Variants in BICD1 observed in about 807,000 individuals in gnomAD.
BICD1 encodes protein bicaudal D homolog 1.
Under a neutral mutation model 92.5 loss-of-function variants are expected in BICD1, and 35 were observed. The ratio of observed to expected loss-of-function variants is 0.38; its 90% CI spans 0.29 to 0.50. The LOEUF is 0.50. BICD1 is among the 20% of genes least tolerant of loss of function. BICD1 has a pLI of 0.93. For synonymous variants in BICD1, 429 were observed against 465.1 expected, an observed-to-expected ratio of 0.92 and a Z score of 1.00; for missense variants, 950 against 1,189.8, an observed-to-expected ratio of 0.80 and a Z score of 2.97.
chr12:32,147,030 C>T (rs1017266714), intron 1 of BICD1, among the ~76,000 whole-genome samples: 2 of 151,922 alleles, frequency 1.3e-5, no homozygotes, highest in African/African-American at 2.4e-5. Flanking sequence ...GCCTCGACCT[C>T]CCCAGGCTTA....
In BICD1 at chr12:32,117,703, A is replaced by AAT. The variant is rs371992238; in HGVS notation, c.213+10167_213+10168dup. 4.9e-3 allele frequency among the ~76,000 whole-genome samples: 638 copies of AAT among 129,528 alleles called. 5 individuals carry two copies. The highest frequency in any genetic ancestry group is 0.014 in the African/African-American group (485 of 33,880). 85.0% of individuals were successfully genotyped at this position (129,528 alleles called of 152,430 possible). ...AGTCATATATATATATATATACACAAATATATATACACACACACACACACA... is the reference window on the plus strand; with the variant it reads ...AGTCATATATATATATATATACACAAATATATATATACACACACACACACACA... On this transcript the variant is annotated intron_variant, in intron 1 of 9. Coordinates refer to ENST00000652176, the MANE Select transcript of BICD1 (RefSeq NM_001714.4).
intron 2 of BICD1, among the ~76,000 whole-genome samples, chr12:32,293,285 A>G (rs1325451866): frequency 6.6e-6 from 1 of 152,096 alleles, no homozygotes; most frequent in Non-Finnish European, 1.5e-5. Context: ...TTGTGACTAC[A>G]TTTCCATTTT....
intron 1 of BICD1, among the ~76,000 whole-genome samples, chr12:32,182,729 A>G (rs1189418412): frequency 4.0e-5 from 6 of 151,874 alleles, no homozygotes; most frequent in African/African-American, 1.4e-4. Flanking sequence ...TTTTATTTAT[A>G]AAAGTATGAG....
chr12:32,109,784 G>A (rs1297001992), intron 1 of BICD1, among the ~76,000 whole-genome samples: 1 of 151,824 alleles, frequency 6.6e-6, no homozygotes, highest in African/African-American at 2.4e-5. Flanking sequence ...ACTTTAGTTG[G>A]AAATATAACT....
In BICD1 at chr12:32,340,235, T is replaced by G. The variant is rs1938311475; in HGVS notation, c.2764+1256T>G. The G allele has an allele frequency of 3.0e-6, 3 of 985,444 alleles. No homozygotes were observed. In the African/African-American group the frequency reaches 5.2e-5, roughly 17 times the overall value. 61.0% of individuals were successfully genotyped at this position (985,444 alleles called of 1,614,324 possible). On this transcript the variant is annotated intron_variant, in intron 8 of 9. Transcript: ENST00000652176. ...GAAACTGATAGTGCATTTCACGTTC[T>G]AAAGGTGTTTGAGGAAATTGGTAGT...
At chr12:32,174,958 G>C (rs980247088) in intron 1 of BICD1, among the ~76,000 whole-genome samples, 4 of 151,984 alleles carry the variant, frequency 2.6e-5, no homozygotes, top group African/African-American at 9.7e-5. Context: ...TTTCATGTAG[G>C]ATCTATACCT....
intron 2 of BICD1, among the ~76,000 whole-genome samples, chr12:32,253,639 T>C (rs1353838928): frequency 6.6e-6 from 1 of 152,190 alleles, no homozygotes; most frequent in Non-Finnish European, 1.5e-5. Context: ...CCTTAGTCAC[T>C]CTCTAGCACA....
chr12:32,283,152 G>A (rs1416660789), intron 2 of BICD1, among the ~76,000 whole-genome samples: 1 of 151,030 alleles, frequency 6.6e-6, no homozygotes, highest in African/African-American at 2.4e-5. Context: ...TGTAGGAAGA[G>A]GAAGAGAGAG....
rs540337855 is a variant in BICD1, at chr12:32,144,297, A to G, written c.213+36753A>G. 3.9e-5 allele frequency among the ~76,000 whole-genome samples: 6 copies of G among 152,326 alleles called. No homozygotes were observed. In the East Asian group the frequency reaches 1.2e-3, roughly 29 times the overall value. On this transcript the variant is annotated intron_variant, in intron 1 of 9. Transcript: ENST00000652176. Reference sequence around the variant, plus strand: ...TTTGAATCTACAGTAGTTGAATTGCATATATAGAGGCTTGAGTTCTTAAAT... The same window carrying G: ...TTTGAATCTACAGTAGTTGAATTGCGTATATAGAGGCTTGAGTTCTTAAAT...
chr12:32,175,817 T>G (rs905569347), intron 1 of BICD1, among the ~76,000 whole-genome samples: 5 of 152,250 alleles, frequency 3.3e-5, no homozygotes, highest in Non-Finnish European at 5.9e-5. Context: ...TAACGATAGA[T>G]GTTCAGGTTT....
rs115990245 is a variant in BICD1 at position 32,271,340 on chromosome 12, A to G, written c.427-22654A>G. Reference sequence around the variant, plus strand: ...TTTGATTTTGTGAAAGAAAATGCACAGTTCGTCTATTTGGGGCTTCTGAAA... The same window carrying G: ...TTTGATTTTGTGAAAGAAAATGCACGGTTCGTCTATTTGGGGCTTCTGAAA... On this transcript the variant is annotated intron_variant, in intron 2 of 9. Transcript: ENST00000652176. Among the ~76,000 whole-genome samples, 1,006 of 152,306 alleles carry G rather than the reference A, an allele frequency of 6.6e-3. 14 individuals are homozygous for G. The highest frequency in any genetic ancestry group is 0.023 in the African/African-American group (957 of 41,570).
chr12:32,208,755 T>A (rs161960), intron 1 of BICD1, among the ~76,000 whole-genome samples: 1 of 152,172 alleles, frequency 6.6e-6, no homozygotes, highest in African/African-American at 2.4e-5. Context: ...AGTTCTAACA[T>A]GTTTAGCTAG....
chr12:32,233,681 C>G (rs1945969744), intron 2 of BICD1, among the ~76,000 whole-genome samples: 1 of 152,070 alleles, frequency 6.6e-6, no homozygotes, highest in South Asian at 2.1e-4. Context: ...CTAAAAATAG[C>G]TCAATTTGGT....
chr12:32,182,285 T>C (rs12301093), intron 1 of BICD1, among the ~76,000 whole-genome samples: 15,474 of 130,424 alleles, frequency 0.12, 1,244 homozygotes, highest in South Asian at 0.22. Context: ...TTTCTTTTTT[T>C]TTTTTTTTTT....
intron 2 of BICD1, among the ~76,000 whole-genome samples, chr12:32,239,534 CCAGTG>C (rs1457652819): frequency 1.3e-5 from 2 of 149,466 alleles, no homozygotes; most frequent in Non-Finnish European, 3.0e-5. Context: ...CCATTGCACT[CCAGTG>C]CAGTGGAGTG....
intron 3 of BICD1, among the ~76,000 whole-genome samples, 181 bp from the exon 4 acceptor site, chr12:32,305,516 A>G (rs1266846587): frequency 1.3e-5 from 2 of 151,676 alleles, no homozygotes; most frequent in East Asian, 1.9e-4. Context: ...TATATATGGT[A>G]TATAATTTCT....
Position 32,337,980 on chromosome 12 carries a change from C to A in BICD1, c.2570+164C>A. ...TAATGTGGGTCTTTCCAGATCAAAA[C>A]CTTTTTGATAATTGTGTTTATGTAG... On this transcript the variant is annotated intron_variant, in intron 7 of 9. Coordinates refer to ENST00000652176, the MANE Select transcript of BICD1 (RefSeq NM_001714.4). This position sits in a 1 kb window ranked among gnomAD's most constrained non-coding sequence, Gnocchi z 4.7. The A allele has an allele frequency of 1.4e-6, 1 of 697,788 alleles. No individual in the cohort carries two copies. Among genetic ancestry groups the A allele is most frequent in the South Asian group, 2.0e-5 (1 of 50,756 alleles). The allele number at this position is 697,788 out of a possible 1,614,324, so 43.2% of individuals were successfully genotyped here. A position where few individuals can be genotyped will look rare whatever the true frequency, so the allele number is the denominator to read the frequency against.
chr12:32,324,685 C>T (rs1454827299), intron 4 of BICD1, among the ~76,000 whole-genome samples: 1 of 152,096 alleles, frequency 6.6e-6, no homozygotes, highest in Non-Finnish European at 1.5e-5. Flanking sequence ...AGGCAATTCT[C>T]CTGCCTCAGC....
In BICD1 at chr12:32,383,080, G is replaced by T. The variant is rs181085934; in HGVS notation, c.*5453G>T. 1.1e-4 allele frequency: 17 copies of T among 152,062 alleles called. No homozygotes were observed. The highest frequency in any genetic ancestry group is 4.1e-4 in the African/African-American group (17 of 41,430). 9.4% of individuals were successfully genotyped at this position (152,062 alleles called of 1,614,324 possible). ...TATGCTTATGTGATGAACCATCCAT[G>T]ATTCTGATATTGTATTTCTTTCCAG... On this transcript the variant is annotated 3_prime_UTR_variant, in exon 10 of 10. Transcript: ENST00000652176.
Sources: allele counts gnomAD v4.1 joint callset (sites outside exome capture counted in the v4.1 genomes callset), GRCh38; gene constraint gnomAD v4.1.1; non-coding constraint Gnocchi (gnomAD v3.1); transcripts MANE v1.5; gene names NCBI Gene and HGNC (gene_info 2026-07-23, HGNC 2026-07-21).